The following SEC61A1 variants were observed in gnomAD, a reference collection of about 807,000 sequenced individuals.
SEC61A1 encodes SEC61 translocon subunit alpha 1.
A neutral mutation model predicts 55.2 loss-of-function variants in SEC61A1; 15 were observed. The observed-to-expected ratio is 0.27, with a 90% confidence interval of 0.18 to 0.42. SEC61A1 has a LOEUF of 0.42. Ranked by LOEUF, SEC61A1 falls within the 10% of genes least tolerant of loss-of-function variation. The pLI is 1.00. For missense variants in SEC61A1, 284 were observed against 602.6 expected (o/e 0.47, Z 5.53); for synonymous variants, 247 against 234.0 (o/e 1.06, Z -0.51).
chr3:128,067,997 G>A lies in SEC61A1; in HGVS notation c.1182G>A (p.Leu394=). 1 of 1,613,980 alleles carries A rather than the reference G, an allele frequency of 6.2e-7. No homozygotes were observed. The highest frequency in any genetic ancestry group is 1.1e-5 in the South Asian group (1 of 91,066). Residue 394 remains leucine (L), a synonymous_variant, in exon 11 of 12, where the codon CTG becomes CTA. Coordinates refer to ENST00000243253, the MANE Select transcript of SEC61A1 (RefSeq NM_013336.4). The surrounding 1 kb of genome is among the most constrained non-coding windows in gnomAD (Gnocchi z 4.1). The stretch of plus-strand genomic sequence containing the variant: ...GCACCCTGCAGGTTGCAAAGCAGCT[G>A]AAGGAGCAGCAGATGGTGATGAGAG... ...GSSAKDVAKQ[L]KEQQMVMRGH...
At chr3:128,061,250 C>T (rs1941846918) in intron 7 of SEC61A1, among the ~76,000 whole-genome samples, 1 of 152,180 alleles carries the variant, frequency 6.6e-6, no homozygotes, top group Non-Finnish European at 1.5e-5. Context: ...TGAGAAGCAA[C>T]ATGAAATTAC....
rs772190317 is a variant in SEC61A1 at position 128,060,490 on chromosome 3, A to AT, written c.463-13dup. On this transcript the variant is annotated splice_polypyrimidine_tract_variant and intron_variant, in intron 6 of 11. Coordinates refer to ENST00000243253, the MANE Select transcript of SEC61A1 (RefSeq NM_013336.4). ...GGGGAGCAGTAACACATAGTCTTGT[A>AT]TTTTTGAATTTTTACAGCTCTTTGT... 185 of 1,613,676 alleles carry AT rather than the reference A, an allele frequency of 1.1e-4. No individual in the cohort carries two copies. In the Middle Eastern group the frequency reaches 2.0e-3, roughly 17 times the overall value.
chr3:128,068,568 A>G (rs1942055291), intron 11 of SEC61A1: 1 of 158,418 alleles, frequency 6.3e-6, no homozygotes, highest in South Asian at 1.8e-4. Flanking sequence ...TGGAGCCTGC[A>G]GTCTCTTAGG....
At position 128,065,732 on chromosome 3, in the gene SEC61A1, A is replaced by ATTTTTTTT. The variant is rs758640768; in HGVS notation, c.777+710_777+717dup. ...AGAATTTGCAGTCAGATCATTAAGAATTTTTTTTTTTTTTTTTTTTTTGAG... is the reference window on the plus strand; with the variant it reads ...AGAATTTGCAGTCAGATCATTAAGAATTTTTTTTTTTTTTTTTTTTTTTTTTTTTTGAG... On this transcript the variant is annotated intron_variant, in intron 8 of 11. Transcript: ENST00000243253. Among the ~76,000 whole-genome samples, 56 of 97,496 alleles carry ATTTTTTTT rather than the reference A, an allele frequency of 5.7e-4. 2 individuals carry two copies. Among genetic ancestry groups the ATTTTTTTT allele is most frequent in the African/African-American group, 1.0e-3 (25 of 24,140 alleles). 64.0% of individuals were successfully genotyped at this position (97,496 alleles called of 152,430 possible).
upstream of SEC61A1, chr3:128,051,910 G>A (rs762645652): frequency 2.9e-5 from 45 of 1,535,340 alleles, no homozygotes; most frequent in South Asian, 1.2e-4. Flanking sequence ...GAGGGTGCTC[G>A]GTAAGCCCCA....
intron 5 of SEC61A1, among the ~76,000 whole-genome samples, chr3:128,059,558 G>A (rs1941824859): frequency 1.3e-5 from 2 of 152,074 alleles, no homozygotes; most frequent in African/African-American, 4.8e-5. Flanking sequence ...GGTACGTGGG[G>A]TTTTCCTTTT....
rs1381654037 is a variant in SEC61A1, at chr3:128,060,307, A to G, written c.462+96A>G. 6 of 1,112,052 alleles carry G rather than the reference A, an allele frequency of 5.4e-6. No individual in the cohort carries two copies. The African/African-American group carries it at 9.3e-5, about 17-fold the overall frequency. The allele number at this position is 1,112,052 out of a possible 1,614,324, so 68.9% of individuals were successfully genotyped here. A position where few individuals can be genotyped will look rare whatever the true frequency, so the allele number is the denominator to read the frequency against. On this transcript the variant is annotated intron_variant, in intron 6 of 11. Coordinates refer to ENST00000243253, the MANE Select transcript of SEC61A1 (RefSeq NM_013336.4). Reference sequence around the variant, plus strand: ...TCAAGCACACCTAAAAGGAACTCCTACTGAAAGGAAGCAGAAGCCTAAGAC... The same window carrying G: ...TCAAGCACACCTAAAAGGAACTCCTGCTGAAAGGAAGCAGAAGCCTAAGAC...
At chr3:128,052,417 C>T (rs1463519776), upstream of SEC61A1, 1 of 1,245,902 alleles carries the variant, frequency 8.0e-7, no homozygotes. Context: ...CGCCGCGCCG[C>T]TTGCCGCCGG....
rs1559794418 is a variant in SEC61A1, at chr3:128,055,681, G to C, written c.150G>C (p.Leu50=). The C allele has an allele frequency of 6.2e-7, 1 of 1,614,128 alleles. No individual in the cohort carries two copies. Among genetic ancestry groups the C allele is most frequent in the Admixed American group, 1.7e-5 (1 of 60,014 alleles). The part of the protein sequence containing the change: ...FIFLVCCQIP[L]FGIMSSDSAD... Reference sequence around the variant, plus strand: ...TCTTTGCCTGTTCCCAGATTCCCCTGTTTGGGATCATGTCTTCAGATTCAG... The same window carrying C: ...TCTTTGCCTGTTCCCAGATTCCCCTCTTTGGGATCATGTCTTCAGATTCAG... The change falls in exon 4 of 12, where the codon CTG becomes CTC. Residue 50 remains leucine (L), a synonymous_variant. Transcript: ENST00000243253.
intron 1 of SEC61A1, 107 bp from the exon 2 acceptor site, chr3:128,052,728 C>T: frequency 6.1e-6 from 9 of 1,484,232 alleles, no homozygotes; most frequent in Non-Finnish European, 8.4e-6. Flanking sequence ...GCGGCCGGCT[C>T]CCCTGGCCCC....
intron 7 of SEC61A1, 104 bp downstream of exon 7, chr3:128,060,765 C>T (rs2107644595): frequency 8.2e-7 from 1 of 1,213,506 alleles, no homozygotes; most frequent in Non-Finnish European, 1.1e-6. Context: ...AAAATAATGT[C>T]AGTTTTAGGT....
At chr3:128,064,638 A>G (rs543748463) in intron 7 of SEC61A1, 19 of 498,748 alleles carry the variant, frequency 3.8e-5, no homozygotes, top group Middle Eastern at 5.3e-4. Context: ...GCCGAGAGAG[A>G]GGGACCCTGT....
chr3:128,063,501 A>AT (rs1339492231), intron 7 of SEC61A1, among the ~76,000 whole-genome samples: 1 of 152,020 alleles, frequency 6.6e-6, no homozygotes, highest in East Asian at 1.9e-4. Flanking sequence ...TGTTCGGCTA[A>AT]TTTTTTTGTA....
chr3:128,052,797 G>T (rs768330321), intron 1 of SEC61A1, 38 bp from the exon 2 acceptor site: 1 of 1,588,594 alleles, frequency 6.3e-7, no homozygotes, highest in East Asian at 2.2e-5. Flanking sequence ...TTACTTCTCT[G>T]TGTCCCAACT....
At chr3:128,054,665 T>C (rs976400915) in intron 2 of SEC61A1, among the ~76,000 whole-genome samples, 5 of 152,238 alleles carry the variant, frequency 3.3e-5, no homozygotes, top group Non-Finnish European at 7.3e-5. Context: ...ACTGTCAGTC[T>C]CTCACAAGGT....
chr3:128,067,457 G>T lies in SEC61A1; in HGVS notation c.1012G>T (p.Val338Phe), dbSNP rs770038193. ...TGGGGGCCCAGCACGTGCTTATCCAGTTGGTGGCCTTTGCTATTACCTGTC... is the reference window on the plus strand; with the variant it reads ...TGGGGGCCCAGCACGTGCTTATCCATTTGGTGGCCTTTGCTATTACCTGTC... ...SSGGPARAYP[V>F]GGLCYYLSPP... is the part of the protein sequence containing the mutation. Residue 338 changes from valine (V) to phenylalanine (F), a missense_variant, in exon 10 of 12, where the codon GTT becomes TTT. Physicochemically the swap from Val to Phe is conservative, Grantham distance 50. Transcript: ENST00000243253. The surrounding 1 kb of genome is among the most constrained non-coding windows in gnomAD (Gnocchi z 4.1). 1.2e-6 allele frequency: 2 copies of T among 1,614,168 alleles called. No homozygotes were observed. Among genetic ancestry groups the T allele is most frequent in the Non-Finnish European group, 1.7e-6 (2 of 1,180,026 alleles).
Position 128,056,779 on chromosome 3 carries a change from C to G in SEC61A1, c.291C>G (p.Ala97=), listed in dbSNP as rs770000870. ...SGLIMQLLAG[A]KIIEVGDTPK... ...TTATAATGCAACTCTTGGCTGGCGCCAAGATAATTGAAGTTGGTGACACCC... is the reference window on the plus strand; with the variant it reads ...TTATAATGCAACTCTTGGCTGGCGCGAAGATAATTGAAGTTGGTGACACCC... The change falls in exon 5 of 12, where the codon GCC becomes GCG. Residue 97 remains alanine (A), a synonymous_variant. Transcript: ENST00000243253. 3.1e-6 allele frequency: 5 copies of G among 1,610,650 alleles called. No homozygotes were observed. In the South Asian group the frequency reaches 5.5e-5, roughly 18 times the overall value.
At chr3:128,065,298 G>C (rs7636632) in intron 8 of SEC61A1, 1 of 596,578 alleles carries the variant, frequency 1.7e-6, no homozygotes, top group Non-Finnish European at 3.0e-6. Context: ...CTATCGACAG[G>C]TAAGATACAT....
chr3:128,062,307 C>T (rs999949341), intron 7 of SEC61A1, among the ~76,000 whole-genome samples: 1 of 152,200 alleles, frequency 6.6e-6, no homozygotes, highest in Non-Finnish European at 1.5e-5. Flanking sequence ...ACACAGAGGG[C>T]ACAGCTGGGA....
Sources: allele counts gnomAD v4.1 joint callset (sites outside exome capture counted in the v4.1 genomes callset), GRCh38; gene constraint gnomAD v4.1.1; non-coding constraint Gnocchi (gnomAD v3.1); transcripts MANE v1.5; gene names NCBI Gene and HGNC (gene_info 2026-07-23, HGNC 2026-07-21).